LBP: variants seen among roughly 807,000 people sequenced by gnomAD.
The protein encoded by LBP is lipopolysaccharide-binding protein.
In LBP, 53 loss-of-function variants were observed where a neutral mutation model predicts 56.6. The ratio of observed to expected loss-of-function variants is 0.94; its 90% CI spans 0.75 to 1.18. The LOEUF is 1.18. Ranked by LOEUF, LBP falls within the 50% of genes most tolerant of loss-of-function variation. The pLI is 0.00. For missense variants in LBP, 601 were observed against 598.3 expected, an observed-to-expected ratio of 1.00 and a Z score of -0.05; for synonymous variants, 227 against 247.5, an observed-to-expected ratio of 0.92 and a Z score of 0.78.
intron 10 of LBP, 108 bp from the exon 11 acceptor site, chr20:38,370,630 G>A (rs2076897653): frequency 1.0e-6 from 1 of 971,706 alleles, no homozygotes; most frequent in African/African-American, 1.6e-5. Context: ...TCCTGCTTTA[G>A]CTCATTGAGC....
chr20:38,364,194 C>T (rs868788657), intron 7 of LBP, 128 bp downstream of exon 7: 3 of 683,806 alleles, frequency 4.4e-6, no homozygotes, highest in East Asian at 2.7e-5. Flanking sequence ...TGTCAAGGGC[C>T]GGGTGATATG....
chr20:38,371,413 C>CA (rs1158471213), intron 12 of LBP, 91 bp downstream of exon 12: 3 of 981,770 alleles, frequency 3.1e-6, no homozygotes, highest in Non-Finnish European at 4.7e-6. Flanking sequence ...ATAGGAAATA[C>CA]AAAAGGAGAA....
At chr20:38,353,757 T>C (rs2076828800) in intron 3 of LBP, among the ~76,000 whole-genome samples, 1 of 152,184 alleles carries the variant, frequency 6.6e-6, no homozygotes, top group South Asian at 2.1e-4. Context: ...AAAAGTTTTT[T>C]TTGAATCTGA....
At chr20:38,369,288 C>T (rs1219599173) in intron 10 of LBP, 126 bp downstream of exon 10, 6 of 957,558 alleles carry the variant, frequency 6.3e-6, no homozygotes, top group Non-Finnish European at 9.1e-6. Context: ...AATATTACTT[C>T]CCGAGAGAGG....
chr20:38,346,511 T>C lies in LBP; in HGVS notation c.-6T>C. The stretch of plus-strand genomic sequence containing the variant: ...CAGTCCTGGCCCACTGCACTGGGAA[T>C]CTAGGATGGGGGCCTTGGCCAGAGC... On this transcript the variant is annotated 5_prime_UTR_variant, in exon 1 of 15. Transcript: ENST00000217407. 6.2e-7 allele frequency: 1 copy of C among 1,613,372 alleles called. No homozygotes were observed. Among genetic ancestry groups the C allele is most frequent in the Non-Finnish European group, 8.5e-7 (1 of 1,179,848 alleles).
intron 11 of LBP, 32 bp from the exon 12 acceptor site, chr20:38,371,248 C>T (rs1327478961): frequency 6.2e-7 from 1 of 1,600,342 alleles, no homozygotes; most frequent in Non-Finnish European, 8.6e-7. Context: ...GCATAAAGCC[C>T]ACACCTTTTA....
At chr20:38,363,738 G>A (rs547087584) in intron 6 of LBP, among the ~76,000 whole-genome samples, 2 of 151,988 alleles carry the variant, frequency 1.3e-5, no homozygotes, top group South Asian at 2.1e-4. Flanking sequence ...GTGTGTGTGT[G>A]CTTGTCTGGA....
At chr20:38,352,399 G>A (rs374924422) in intron 3 of LBP, among the ~76,000 whole-genome samples, 1 of 152,210 alleles carries the variant, frequency 6.6e-6, no homozygotes, top group Non-Finnish European at 1.5e-5. Context: ...TACAAGTTGA[G>A]ATCTACTCTA....
At chr20:38,346,998 A>C (rs1195384829) in intron 1 of LBP, among the ~76,000 whole-genome samples, 6 of 152,156 alleles carry the variant, frequency 3.9e-5, no homozygotes, top group African/African-American at 1.4e-4. Context: ...TGATGATGGG[A>C]ACCACTCAGC....
chr20:38,371,221 C>G, intron 11 of LBP, 59 bp from the exon 12 acceptor site: 1 of 1,437,796 alleles, frequency 7.0e-7, no homozygotes, highest in Non-Finnish European at 9.7e-7. Context: ...CTGGGGACCC[C>G]CGCATTGCTT....
intron 2 of LBP, 133 bp downstream of exon 2, chr20:38,349,795 C>T: frequency 4.8e-6 from 3 of 627,250 alleles, no homozygotes; most frequent in East Asian, 2.8e-5. Context: ...TGGGATAGTT[C>T]CCTGAAGAGC....
intron 14 of LBP, among the ~76,000 whole-genome samples, chr20:38,375,088 T>C (rs973567056): frequency 1.3e-5 from 2 of 150,370 alleles, no homozygotes; most frequent in African/African-American, 4.9e-5. Context: ...TGAGACACCA[T>C]ATACAGCCAA....
At chr20:38,361,082 A>G (rs1265310887) in intron 6 of LBP, among the ~76,000 whole-genome samples, 2 of 151,930 alleles carry the variant, frequency 1.3e-5, no homozygotes, top group Admixed American at 6.6e-5. Context: ...GAATTGATTG[A>G]ACCCAGAAGG....
At chr20:38,365,107 C>T (rs940472455) in intron 8 of LBP, among the ~76,000 whole-genome samples, 5 of 151,512 alleles carry the variant, frequency 3.3e-5, no homozygotes, top group South Asian at 2.1e-4. Context: ...TGGTGGTGTG[C>T]GCCTGTAATC....
rs1471214024 is a variant in LBP at position 38,363,996 on chromosome 20, T to A, written c.674T>A (p.Phe225Tyr). Reference sequence around the variant, plus strand: ...ACAGTTACAACAGAGATTGACAGTTTCGCCGACATTGATTATAGCTTAGTG... The same window carrying A: ...ACAGTTACAACAGAGATTGACAGTTACGCCGACATTGATTATAGCTTAGTG... ...TLPVTTEIDS[F>Y]ADIDYSLVEA... The change falls in exon 7 of 15, where the codon TTC (phenylalanine) becomes TAC (tyrosine). Residue 225 changes from phenylalanine (F) to tyrosine (Y), a missense_variant. Coordinates refer to ENST00000217407, the MANE Select transcript of LBP (RefSeq NM_004139.5). 6.2e-7 allele frequency: 1 copy of A among 1,613,808 alleles called. No individual in the cohort carries two copies. The highest frequency in any genetic ancestry group is 8.5e-7 in the Non-Finnish European group (1 of 1,179,688).
At chr20:38,375,299 T>A (rs1365163329) in intron 14 of LBP, among the ~76,000 whole-genome samples, 1 of 151,938 alleles carries the variant, frequency 6.6e-6, no homozygotes, top group Non-Finnish European at 1.5e-5. Flanking sequence ...AATTTTTTTT[T>A]AGGCCAGGAG....
At chr20:38,361,734 G>T (rs1053685378) in intron 6 of LBP, among the ~76,000 whole-genome samples, 2 of 151,998 alleles carry the variant, frequency 1.3e-5, no homozygotes, top group South Asian at 4.1e-4. Flanking sequence ...TTTTATTGAA[G>T]TATATTTATA....
At chr20:38,373,208 A>C in intron 13 of LBP, 73 bp downstream of exon 13, 1 of 1,320,392 alleles carries the variant, frequency 7.6e-7, no homozygotes, top group Non-Finnish European at 1.1e-6. Flanking sequence ...TTGGACTTGG[A>C]AAACAGGGCT....
At chr20:38,355,436 C>T (rs2076835476) in intron 5 of LBP, 27 bp downstream of exon 5, 1 of 1,606,124 alleles carries the variant, frequency 6.2e-7, no homozygotes, top group South Asian at 1.1e-5. Context: ...CTCTGGCCTC[C>T]CCCGAGCTTG....
Sources: gnomAD v4.1 joint callset for allele counts (sites outside exome capture counted in the v4.1 genomes callset) on GRCh38, gnomAD v4.1.1 for gene constraint, MANE v1.5 for transcripts, NCBI Gene and HGNC (gene_info 2026-07-23, HGNC 2026-07-21) for gene names.